KIF6: variants seen among roughly 807,000 people sequenced by gnomAD.
The protein encoded by KIF6 is kinesin-like protein KIF6.
A neutral mutation model predicts 112.7 loss-of-function variants in KIF6; 106 were observed. The ratio of observed to expected loss-of-function variants is 0.94; its 90% confidence interval spans 0.80 to 1.11. The LOEUF is 1.11. Among genes scored for constraint, KIF6 ranks in the 50% least tolerant of loss-of-function variants. The pLI is 0.00. For synonymous variants in KIF6, 339 were observed against 339.9 expected (o/e 1.00, Z 0.03); for missense variants, 929 against 964.0 (o/e 0.96, Z 0.48).
At chr6:39,607,327 G>C (rs1417507050) in intron 6 of KIF6, among the ~76,000 whole-genome samples, 1 of 152,090 alleles carries the variant, frequency 6.6e-6, no homozygotes, top group Non-Finnish European at 1.5e-5. Flanking sequence ...AATCAGGTTA[G>C]ATCAGAATGC....
intron 2 of KIF6, among the ~76,000 whole-genome samples, chr6:39,717,579 C>T (rs902002513): frequency 7.9e-5 from 12 of 152,126 alleles, no homozygotes; most frequent in Admixed American, 1.3e-4. Flanking sequence ...ACACTTTTCT[C>T]CATGGCACGT....
At chr6:39,634,522 C>T (rs1561883107) in intron 5 of KIF6, among the ~76,000 whole-genome samples, 1 of 152,048 alleles carries the variant, frequency 6.6e-6, no homozygotes, top group Non-Finnish European at 1.5e-5. Context: ...AGAAGAGCAA[C>T]AGGGTTTCAT....
In KIF6 at chr6:39,343,410, GGAACAGA is replaced by G. The variant is rs537913790; in HGVS notation, c.2428+292_2428+298del. 159 of 1,365,388 alleles carry G rather than the reference GGAACAGA, an allele frequency of 1.2e-4. No individual in the cohort carries two copies. The highest frequency in any genetic ancestry group is 1.4e-4 in the Non-Finnish European group (149 of 1,038,618). The allele number at this position is 1,365,388 out of a possible 1,614,324, so 84.6% of individuals were successfully genotyped here. On this transcript the variant is annotated intron_variant, in intron 22 of 22. Coordinates refer to ENST00000287152, the MANE Select transcript of KIF6 (RefSeq NM_145027.6). The surrounding 1 kb of genome is among the most constrained non-coding windows in gnomAD (Gnocchi z 4.1). ...TGAGCAGAGGAGACAGCTGACTTTG[GGAACAGA>G]GAACAAAGGAGCTGAAGATCTGGAA... is the stretch of plus-strand genomic sequence containing the variant.
rs1230059630 is a variant in KIF6 at position 39,331,599 on chromosome 6, G to C, written c.*4933C>G. ...GGGGTTTCGCCATGTTGGCCAGGTT[G>C]GTCTCAAACTCCTGACCTCGTGATC... On this transcript the variant is annotated 3_prime_UTR_variant, in exon 23 of 23. Transcript: ENST00000287152. 6.6e-6 allele frequency: 1 copy of C among 152,074 alleles called. No individual in the cohort carries two copies. The highest frequency in any genetic ancestry group is 2.4e-5 in the African/African-American group (1 of 41,406). The allele number at this position is 152,074 out of a possible 1,614,324, so 9.4% of individuals were successfully genotyped here. A position where few individuals can be genotyped will look rare whatever the true frequency, so the allele number is the denominator to read the frequency against.
chr6:39,403,103 T>C (rs1014570535), intron 15 of KIF6, among the ~76,000 whole-genome samples: 3 of 152,236 alleles, frequency 2.0e-5, no homozygotes, highest in African/African-American at 7.2e-5. Flanking sequence ...AGGTCATTTC[T>C]TTTATAAAAG....
At chr6:39,705,540 A>T (rs1372664285) in intron 3 of KIF6, among the ~76,000 whole-genome samples, 1 of 152,220 alleles carries the variant, frequency 6.6e-6, no homozygotes, top group Non-Finnish European at 1.5e-5. Flanking sequence ...AAATACTCAG[A>T]GTATCTAATA....
chr6:39,411,905 T>G (rs1168325430), intron 15 of KIF6, among the ~76,000 whole-genome samples: 1 of 152,232 alleles, frequency 6.6e-6, no homozygotes, highest in Non-Finnish European at 1.5e-5. Context: ...AGTTCCTGGC[T>G]ATAAAAGAAC....
chr6:39,443,107 G>T (rs1772033366), intron 13 of KIF6, among the ~76,000 whole-genome samples: 1 of 137,016 alleles, frequency 7.3e-6, no homozygotes, highest in Non-Finnish European at 1.6e-5. Context: ...GAGTGAGACT[G>T]CATCTCAAAT....
At chr6:39,394,056 A>G (rs928135807) in intron 15 of KIF6, among the ~76,000 whole-genome samples, 1 of 152,154 alleles carries the variant, frequency 6.6e-6, no homozygotes, top group African/African-American at 2.4e-5. Flanking sequence ...GCCCTTGTGC[A>G]TATATATGTA....
At chr6:39,455,312 G>C (rs555722713) in intron 13 of KIF6, among the ~76,000 whole-genome samples, 1 of 151,754 alleles carries the variant, frequency 6.6e-6, no homozygotes, top group South Asian at 2.1e-4. Flanking sequence ...TGAGGGTCCT[G>C]TCTGTTAGAA....
intron 13 of KIF6, among the ~76,000 whole-genome samples, chr6:39,433,262 C>G (rs1771290220): frequency 6.6e-6 from 1 of 152,232 alleles, no homozygotes; most frequent in African/African-American, 2.4e-5. Context: ...AACACACCTT[C>G]CCTGAGGTGC....
intron 13 of KIF6, among the ~76,000 whole-genome samples, chr6:39,454,531 CAAAAA>C (rs560119968): frequency 2.6e-5 from 2 of 76,040 alleles, no homozygotes; most frequent in Admixed American, 1.4e-4. Flanking sequence ...CTGAGAGCAT[CAAAAA>C]AAAAAAAAAA....
chr6:39,719,933 T>C (rs1222647562), intron 2 of KIF6, among the ~76,000 whole-genome samples: 2 of 151,848 alleles, frequency 1.3e-5, no homozygotes, highest in Non-Finnish European at 2.9e-5. Context: ...CAGTGAACTA[T>C]GACTCCACCA....
At chr6:39,550,341 G>T (rs1258054708) in intron 10 of KIF6, among the ~76,000 whole-genome samples, 1 of 152,132 alleles carries the variant, frequency 6.6e-6, no homozygotes, top group African/African-American at 2.4e-5. Flanking sequence ...CTAACCCAGG[G>T]CATGGAAATG....
intron 3 of KIF6, among the ~76,000 whole-genome samples, chr6:39,673,632 G>C (rs776965642): frequency 2.0e-5 from 3 of 152,168 alleles, no homozygotes; most frequent in Non-Finnish European, 4.4e-5. Context: ...AAATATTTAG[G>C]AGGTTATCCC....
chr6:39,684,587 A>T (rs1415155948), intron 3 of KIF6, among the ~76,000 whole-genome samples: 1 of 150,090 alleles, frequency 6.7e-6, no homozygotes, highest in Non-Finnish European at 1.5e-5. Flanking sequence ...TTGCACTCCA[A>T]CCTGGGCAAC....
At chr6:39,659,125 A>G (rs1785974985) in intron 3 of KIF6, among the ~76,000 whole-genome samples, 1 of 152,172 alleles carries the variant, frequency 6.6e-6, no homozygotes, top group South Asian at 2.1e-4. Context: ...AAACCGGAAA[A>G]CTGGCCCCAA....
chr6:39,435,854 C>A (rs1771491059), intron 13 of KIF6, among the ~76,000 whole-genome samples: 1 of 152,068 alleles, frequency 6.6e-6, no homozygotes, highest in African/African-American at 2.4e-5. Context: ...TATATAATGA[C>A]TTGTTTTCCT....
chr6:39,389,271 A>G (rs1036287807), intron 15 of KIF6, among the ~76,000 whole-genome samples: 1 of 152,182 alleles, frequency 6.6e-6, no homozygotes, highest in African/African-American at 2.4e-5. Flanking sequence ...TTTTGCACGC[A>G]TGCTAGTTTG....
Sources: gnomAD v4.1 joint callset for allele counts (sites outside exome capture counted in the v4.1 genomes callset) on GRCh38, gnomAD v4.1.1 for gene constraint, Gnocchi (gnomAD v3.1) non-coding constraint, MANE v1.5 for transcripts, NCBI Gene and HGNC (gene_info 2026-07-23, HGNC 2026-07-21) for gene names.